The following CELF2 variants were observed in gnomAD, a reference collection of about 807,000 sequenced individuals.
CELF2 encodes CUG triplet repeat RNA-binding protein 2.
CELF2 carries 8 observed loss-of-function variants against 62.6 expected under a neutral mutation model. The ratio of observed to expected loss-of-function variants is 0.13; its 90% CI spans 0.07 to 0.23. The LOEUF is 0.23. CELF2 is among the 10% of genes least tolerant of loss of function. CELF2 has a pLI of 1.00. For missense variants in CELF2, 333 were observed against 671.0 expected (o/e 0.50, Z 5.56); for synonymous variants, 258 against 250.0 (o/e 1.03, Z -0.30).
chr10:10,506,192 A>G, the CELF2 span, among the ~76,000 whole-genome samples: 10,682 of 151,982 alleles, frequency 0.07, 601 homozygotes, highest in African/African-American at 0.15. Context: ...AGTAAAAAAG[A>G]TCATTGGAGC....
At chr10:10,781,594 C>T in the CELF2 span, among the ~76,000 whole-genome samples, 3 of 152,286 alleles carry the variant, frequency 2.0e-5, no homozygotes, top group East Asian at 1.9e-4. Context: ...AAAAACCTGC[C>T]TCCATGATTC....
At chr10:10,728,630 C>T in the CELF2 span, among the ~76,000 whole-genome samples, 1 of 152,044 alleles carries the variant, frequency 6.6e-6, no homozygotes, top group Non-Finnish European at 1.5e-5. Flanking sequence ...GGGTGGGGGA[C>T]AGCAGGAGGA....
At chr10:10,847,745 C>G (rs918007896) in intron 1 of CELF2, among the ~76,000 whole-genome samples, 2 of 152,172 alleles carry the variant, frequency 1.3e-5, no homozygotes, top group Non-Finnish European at 2.9e-5. Flanking sequence ...CACCTGGGCC[C>G]TACCCCAGAG....
At chr10:10,625,525 G>T in the CELF2 span, among the ~76,000 whole-genome samples, 1 of 152,012 alleles carries the variant, frequency 6.6e-6, no homozygotes, top group Non-Finnish European at 1.5e-5. Context: ...AGCTGGGAAT[G>T]CAGAGAAGTT....
chr10:10,490,088 G>C, the CELF2 span, among the ~76,000 whole-genome samples: 1 of 132,250 alleles, frequency 7.6e-6, no homozygotes, highest in African/African-American at 2.5e-5. Flanking sequence ...GGAATGTCAT[G>C]GGGGAAAAAA....
Position 10,995,765 on chromosome 10 carries a change from T to C in CELF2, c.89+75766T>C, listed in dbSNP as rs1316256207. Among the ~76,000 whole-genome samples, 1 of 152,148 alleles carries C rather than the reference T, an allele frequency of 6.6e-6. No homozygotes were observed. The highest frequency in any genetic ancestry group is 1.5e-5 in the Non-Finnish European group (1 of 68,020). ...AGGGACAGGGAGATTCCTTATGAGG[T>C]CTGATGGCCTCAACTAACGTAGTAG... On this transcript the variant is annotated intron_variant, in intron 2 of 13. Transcript: ENST00000636488. This position sits in a 1 kb window ranked among gnomAD's most constrained non-coding sequence, Gnocchi z 4.7.
intron 2 of CELF2, among the ~76,000 whole-genome samples, chr10:11,184,897 A>G (rs1310140183): frequency 2.6e-5 from 4 of 152,160 alleles, no homozygotes; most frequent in Non-Finnish European, 4.4e-5. Context: ...TGCACTGGCC[A>G]AAACGTCCAC....
At chr10:11,078,858 T>C (rs2072996874) in intron 1 of CELF2, among the ~76,000 whole-genome samples, 1 of 152,228 alleles carries the variant, frequency 6.6e-6, no homozygotes, top group Middle Eastern at 3.2e-3. Context: ...GCACATCCAT[T>C]GCTTTGCTTT....
At chr10:10,752,228 G>A in the CELF2 span, among the ~76,000 whole-genome samples, 222 of 152,312 alleles carry the variant, frequency 1.5e-3, 1 homozygote, top group African/African-American at 5.0e-3. Flanking sequence ...GAGGGTTTCT[G>A]TCATTGTCAC....
rs1458412456 is a variant in CELF2 at position 11,243,516 on chromosome 10, C to T, written c.355-5637C>T. 2.0e-5 allele frequency among the ~76,000 whole-genome samples: 3 copies of T among 152,208 alleles called. No individual in the cohort carries two copies. The highest frequency in any genetic ancestry group is 2.9e-5 in the Non-Finnish European group (2 of 68,032). ...ACAGGATCTATTTCCAAAACTCATGCTCCTGCCATTTCCCCACAAGCATGC... is the reference window on the plus strand; with the variant it reads ...ACAGGATCTATTTCCAAAACTCATGTTCCTGCCATTTCCCCACAAGCATGC... On this transcript the variant is annotated intron_variant, in intron 3 of 12. Coordinates refer to ENST00000633077, the MANE Select transcript of CELF2 (RefSeq NM_001326342.2). The surrounding 1 kb of genome is among the most constrained non-coding windows in gnomAD (Gnocchi z 4.1).
At chr10:11,121,833 C>T (rs1400270599) in intron 1 of CELF2, among the ~76,000 whole-genome samples, 5 of 152,028 alleles carry the variant, frequency 3.3e-5, no homozygotes, top group African/African-American at 7.3e-5. Flanking sequence ...TCTGAATACA[C>T]GGAGCCCAGC....
chr10:11,260,383 C>G lies in CELF2; in HGVS notation c.538+2511C>G, dbSNP rs74702602. Among the ~76,000 whole-genome samples the G allele has an allele frequency of 0.02, 3,089 of 152,328 alleles. 108 individuals are homozygous for G. The highest frequency in any genetic ancestry group is 0.069 in the African/African-American group (2,860 of 41,550). On this transcript the variant is annotated intron_variant, in intron 5 of 12. Coordinates refer to ENST00000633077, the MANE Select transcript of CELF2 (RefSeq NM_001326342.2). This position sits in a 1 kb window ranked among gnomAD's most constrained non-coding sequence, Gnocchi z 4.2. Reference sequence around the variant, plus strand: ...GGGACAGTAATGAACAGGATTGCCGCCTGCAGCGTTCAGAGCTCCTTGAGC... The same window carrying G: ...GGGACAGTAATGAACAGGATTGCCGGCTGCAGCGTTCAGAGCTCCTTGAGC...
intron 1 of CELF2, among the ~76,000 whole-genome samples, chr10:10,886,639 C>T (rs934078000): frequency 6.6e-6 from 1 of 152,162 alleles, no homozygotes; most frequent in African/African-American, 2.4e-5. Flanking sequence ...AAGTTCAAGG[C>T]CAGCCTAGGC....
intron 1 of CELF2, among the ~76,000 whole-genome samples, chr10:11,096,672 G>A (rs967959406): frequency 2.6e-5 from 4 of 152,096 alleles, no homozygotes; most frequent in Admixed American, 6.5e-5. Context: ...GAGTTTGACC[G>A]AAATGACAAA....
At chr10:10,773,392 G>A in the CELF2 span, among the ~76,000 whole-genome samples, 1 of 152,208 alleles carries the variant, frequency 6.6e-6, no homozygotes, top group Non-Finnish European at 1.5e-5. Context: ...TTTGCTTCAT[G>A]TTGTGATTAA....
the CELF2 span, among the ~76,000 whole-genome samples, chr10:10,748,994 T>C: frequency 1.3e-5 from 2 of 152,164 alleles, no homozygotes; most frequent in Non-Finnish European, 2.9e-5. Flanking sequence ...CAAACCAGTA[T>C]GAATTGTTCA....
rs2094792612 is a variant in CELF2, at chr10:11,314,528, T to TA, written c.1096+270_1096+271insA. The TA allele has an allele frequency of 8.1e-6, 4 of 492,726 alleles. No homozygotes were observed. The highest frequency in any genetic ancestry group is 7.8e-5 in the South Asian group (4 of 51,322). The allele number at this position is 492,726 out of a possible 1,614,324, so 30.5% of individuals were successfully genotyped here. On this transcript the variant is annotated intron_variant, in intron 10 of 12. Transcript: ENST00000633077. This position sits in a 1 kb window ranked among gnomAD's most constrained non-coding sequence, Gnocchi z 5.3. Reference sequence around the variant, plus strand: ...TGGGGTTCTGTGGCTGGCAGCTCTTTTCAGGTTTCCAGGAGTTTGGTTTGG... The same window carrying TA: ...TGGGGTTCTGTGGCTGGCAGCTCTTTATCAGGTTTCCAGGAGTTTGGTTTGG...
At chr10:10,930,365 A>T (rs955519731) in intron 2 of CELF2, among the ~76,000 whole-genome samples, 1 of 152,110 alleles carries the variant, frequency 6.6e-6, no homozygotes, top group Non-Finnish European at 1.5e-5. Context: ...CCCTGCCCTA[A>T]TTTTTTTCCT....
the CELF2 span, among the ~76,000 whole-genome samples, chr10:10,598,303 G>A: frequency 6.6e-6 from 1 of 152,158 alleles, no homozygotes; most frequent in Non-Finnish European, 1.5e-5. Flanking sequence ...CCTCAGAAAA[G>A]GCCCTTGATA....
Sources: allele counts gnomAD v4.1 joint callset (sites outside exome capture counted in the v4.1 genomes callset), GRCh38; gene constraint gnomAD v4.1.1; non-coding constraint Gnocchi (gnomAD v3.1); transcripts MANE v1.5; gene names NCBI Gene and HGNC (gene_info 2026-07-23, HGNC 2026-07-21).